The following NAV1 variants were observed in gnomAD, a reference collection of about 807,000 sequenced individuals.
NAV1 encodes the protein pore membrane and/or filament interacting like protein 3.
NAV1 carries 18 observed loss-of-function variants against 175.2 expected under a neutral mutation model. That is an observed-to-expected ratio of 0.10 (90% CI 0.07 to 0.15). The LOEUF (loss-of-function observed/expected upper bound fraction) is 0.15, where lower values mean the gene tolerates loss of function less well. NAV1 is among the 10% of genes least tolerant of loss of function. The probability of loss-of-function intolerance (pLI) is 1.00; values close to 1 mark genes in which losing one functional copy is unlikely to be tolerated. For synonymous variants in NAV1, 897 were observed against 978.7 expected, an observed-to-expected ratio of 0.92 and a Z score of 1.56; for missense variants, 1,731 against 2,436.6, an observed-to-expected ratio of 0.71 and a Z score of 6.10.
chr1:201,542,588 G>C (rs1267627291), intron 1 of NAV1, among the ~76,000 whole-genome samples: 1 of 151,994 alleles, frequency 6.6e-6, no homozygotes, highest in African/African-American at 2.4e-5. Context: ...CTGCGATTTT[G>C]CTTCCCAGCA....
At chr1:201,552,096 A>T (rs1299516728) in intron 1 of NAV1, among the ~76,000 whole-genome samples, 1 of 152,212 alleles carries the variant, frequency 6.6e-6, no homozygotes, top group Admixed American at 6.5e-5. Flanking sequence ...GTGGATGGGA[A>T]TGGCCACTGC....
At position 201,718,139 on chromosome 1, in the gene NAV1, T is replaced by G. The variant is rs1393848080; in HGVS notation, c.861-251T>G. Among the ~76,000 whole-genome samples, 2 of 152,188 alleles carry G rather than the reference T, an allele frequency of 1.3e-5. No individual in the cohort carries two copies. Reference sequence around the variant, plus strand: ...CAAACCTAGGTCATATTACACAATCTAGGGTCTTAACAGTATACAGGATTT... The same window carrying G: ...CAAACCTAGGTCATATTACACAATCGAGGGTCTTAACAGTATACAGGATTT... On this transcript the variant is annotated intron_variant, in intron 2 of 29. Transcript: ENST00000367296. This position sits in a 1 kb window ranked among gnomAD's most constrained non-coding sequence, Gnocchi z 4.8.
At position 201,627,794 on chromosome 1, in the gene NAV1, A is replaced by C. The variant is rs12075693; in HGVS notation, c.-100-1610A>C. Among the ~76,000 whole-genome samples the C allele has an allele frequency of 3.6e-3, 553 of 152,062 alleles. 2 individuals carry two copies. Among genetic ancestry groups the C allele is most frequent in the African/African-American group, 0.012 (479 of 41,476 alleles). Reference sequence around the variant, plus strand: ...TCTAATTTCTTCCAAGAAACCAACCAACCCCAGTCTTTCTTTATCCCCTTG... The same window carrying C: ...TCTAATTTCTTCCAAGAAACCAACCCACCCCAGTCTTTCTTTATCCCCTTG... On this transcript the variant is annotated intron_variant, in intron 1 of 29. Transcript: ENST00000367302.
intron 3 of NAV1, among the ~76,000 whole-genome samples, chr1:201,773,103 A>T (rs915965259): frequency 6.6e-6 from 1 of 152,218 alleles, no homozygotes; most frequent in Non-Finnish European, 1.5e-5. Flanking sequence ...AACCCTAGGC[A>T]GAGTTTATAG....
intron 17 of NAV1, among the ~76,000 whole-genome samples, chr1:201,806,484 G>A (rs1274793177): frequency 1.3e-5 from 2 of 152,114 alleles, no homozygotes; most frequent in South Asian, 2.1e-4. Flanking sequence ...GGATCTTATT[G>A]ATCTTAGGGG....
Position 201,650,418 on chromosome 1 carries a change from G to C in NAV1, c.757+993G>C, listed in dbSNP as rs546982290. On this transcript the variant is annotated intron_variant, in intron 1 of 29. Coordinates refer to ENST00000367296, the Ensembl canonical transcript of NAV1. The stretch of plus-strand genomic sequence containing the variant: ...CACGGAACAAGGACGGTGGGGCCTG[G>C]TGCCCAGGCGAGCTGCTTTGGCTGC... Among the ~76,000 whole-genome samples, 28 of 152,334 alleles carry C rather than the reference G, an allele frequency of 1.8e-4. 1 individual carries two copies. The East Asian group carries it at 5.4e-3, about 29-fold the overall frequency.
chr1:201,664,889 C>A (rs1333769431), intron 1 of NAV1, among the ~76,000 whole-genome samples: 1 of 152,174 alleles, frequency 6.6e-6, no homozygotes. Context: ...CTCTAGAAAG[C>A]CCCCATCTCT....
intron 2 of NAV1, among the ~76,000 whole-genome samples, chr1:201,595,512 G>A (rs934710340): frequency 5.3e-5 from 8 of 152,220 alleles, no homozygotes; most frequent in Admixed American, 2.0e-4. Flanking sequence ...AAGGGGCGCC[G>A]AGTCTGTTTC....
chr1:201,693,949 T>G (rs977926076), intron 1 of NAV1, among the ~76,000 whole-genome samples: 1 of 152,188 alleles, frequency 6.6e-6, no homozygotes, highest in African/African-American at 2.4e-5. Flanking sequence ...GGGCAGGACC[T>G]GTCTGAAGCC....
upstream of NAV1, among the ~76,000 whole-genome samples, chr1:201,647,431 C>G (rs1378852597): frequency 6.6e-6 from 1 of 152,236 alleles, no homozygotes; most frequent in Non-Finnish European, 1.5e-5. Flanking sequence ...CAGGCCTTTA[C>G]AGTTCCAAAG....
intron 2 of NAV1, among the ~76,000 whole-genome samples, chr1:201,713,975 A>T (rs1289282129): frequency 6.6e-6 from 1 of 152,190 alleles, no homozygotes; most frequent in Non-Finnish European, 1.5e-5. Context: ...CTTTTTAAAA[A>T]TATTTTGTTA....
At chr1:201,783,001 C>A in intron 6 of NAV1, 132 bp downstream of exon 10, 1 of 727,218 alleles carries the variant, frequency 1.4e-6, no homozygotes, top group Non-Finnish European at 2.2e-6. Context: ...CTCTTTCCCA[C>A]CTCTCCCCCA....
rs1021885305 is a variant in NAV1 at position 201,803,502 on chromosome 1, C to T, written c.3518-91C>T. On this transcript the variant is annotated intron_variant, in intron 15 of 29. Transcript: ENST00000367296. The stretch of plus-strand genomic sequence containing the variant: ...GTGATTGAGGAGTTGGTTGGTTCTC[C>T]TTTCTCTTATCTTCTGCCACTAGAC... 5.6e-6 allele frequency: 8 copies of T among 1,421,962 alleles called. No homozygotes were observed. The African/African-American group carries it at 1.2e-4, about 21-fold the overall frequency. 88.1% of individuals were successfully genotyped at this position (1,421,962 alleles called of 1,614,324 possible).
intron 1 of NAV1, among the ~76,000 whole-genome samples, chr1:201,588,013 C>T (rs1035050341): frequency 1.3e-5 from 2 of 152,110 alleles, no homozygotes; most frequent in African/African-American, 4.8e-5. Context: ...GGCAATTTCT[C>T]AAAAAGTTAA....
chr1:201,695,653 C>G (rs934999922), intron 1 of NAV1, among the ~76,000 whole-genome samples: 1 of 152,232 alleles, frequency 6.6e-6, no homozygotes, highest in East Asian at 1.9e-4. Context: ...AGCATGGTGC[C>G]TGGGCCACCG....
rs776516825 is a variant in NAV1, at chr1:201,578,059, T to A, written c.-143-10480T>A. ...AACTTTGCAAAGTTTTCAACTATTTTTTCTTGGAGTACTTTTTCAGCACCA... is the reference window on the plus strand; with the variant it reads ...AACTTTGCAAAGTTTTCAACTATTTATTCTTGGAGTACTTTTTCAGCACCA... On this transcript the variant is annotated intron_variant, in intron 1 of 33. Coordinates refer to the NAV1 transcript ENST00000685211. Among the ~76,000 whole-genome samples, 3 of 152,208 alleles carry A rather than the reference T, an allele frequency of 2.0e-5. 1 individual carries two copies. The highest frequency in any genetic ancestry group is 4.4e-5 in the Non-Finnish European group (3 of 68,040).
chr1:201,611,790 C>T (rs1193576022), intron 2 of NAV1, among the ~76,000 whole-genome samples: 2 of 152,094 alleles, frequency 1.3e-5, no homozygotes, highest in African/African-American at 4.8e-5. Context: ...GAGCGAGGAT[C>T]GGAGGACACA....
chr1:201,623,113 G>A (rs1668224336), exon 1 of NAV1: 1 of 985,912 alleles, frequency 1.0e-6, no homozygotes, highest in South Asian at 4.7e-5. Context: ...CCGGGGGAGA[G>A]GCTCTCCCAA....
chr1:201,718,285 CAG>C lies in NAV1; in HGVS notation c.861-104_861-103del. 4 of 1,280,164 alleles carry C rather than the reference CAG, an allele frequency of 3.1e-6. No individual in the cohort carries two copies. The highest frequency in any genetic ancestry group is 4.1e-6 in the Non-Finnish European group (4 of 974,444). 79.3% of individuals were successfully genotyped at this position (1,280,164 alleles called of 1,614,324 possible). ...GCTTGGGCAGGTGGGGAGGAGGTGACAGGGCCTGTGGGTGGAGGGGAGGCATT... is the reference window on the plus strand; with the variant it reads ...GCTTGGGCAGGTGGGGAGGAGGTGACGGCCTGTGGGTGGAGGGGAGGCATT... On this transcript the variant is annotated intron_variant, in intron 2 of 29. Transcript: ENST00000367296. This position sits in a 1 kb window ranked among gnomAD's most constrained non-coding sequence, Gnocchi z 4.8.
Sources: allele counts gnomAD v4.1 joint callset (sites outside exome capture counted in the v4.1 genomes callset), GRCh38; gene constraint gnomAD v4.1.1; non-coding constraint Gnocchi (gnomAD v3.1); transcripts MANE v1.5; gene names NCBI Gene and HGNC (gene_info 2026-07-23, HGNC 2026-07-21).